The following PPP1R13L variants were observed in gnomAD, a reference collection of about 807,000 sequenced individuals.
PPP1R13L encodes the protein relA-associated inhibitor.
In PPP1R13L, 50 loss-of-function variants were observed where a neutral mutation model predicts 80.9. The observed-to-expected ratio is 0.62, with a 90% CI of 0.49 to 0.78. The LOEUF (loss-of-function observed/expected upper bound fraction) is 0.78. Among genes scored for constraint, PPP1R13L ranks in the 30% least tolerant of loss-of-function variants. The pLI, the probability that PPP1R13L is intolerant of heterozygous loss-of-function variation, is 0.00. For synonymous variants in PPP1R13L, 602 were observed against 534.3 expected, an observed-to-expected ratio of 1.13 and a Z score of -1.75; for missense variants, 1,200 against 1,205.9, an observed-to-expected ratio of 1.00 and a Z score of 0.07.
rs1568551764 is a variant in PPP1R13L, at chr19:45,380,043, C to T, written c.*147G>A. On this transcript the variant is annotated 3_prime_UTR_variant, in exon 13 of 13. Coordinates refer to ENST00000360957, the MANE Select transcript of PPP1R13L (RefSeq NM_006663.4). ...GCTGGGGCCCTCCTTCTTCCCTGGA[C>T]TTCCAGGAGAACAGAGAACCGGTGG... 3 of 882,470 alleles carry T rather than the reference C, an allele frequency of 3.4e-6. No homozygotes were observed. The highest frequency in any genetic ancestry group is 5.3e-6 in the Non-Finnish European group (3 of 562,554). The allele number at this position is 882,470 out of a possible 1,614,324, so 54.7% of individuals were successfully genotyped here. A position where few individuals can be genotyped will look rare whatever the true frequency, so the allele number is the denominator to read the frequency against.
At chr19:45,402,471 A>C (rs1177260103) in intron 1 of PPP1R13L, among the ~76,000 whole-genome samples, 2 of 152,124 alleles carry the variant, frequency 1.3e-5, no homozygotes, top group South Asian at 4.1e-4. Context: ...TGTCGCGGGG[A>C]CAGGCGGTGG....
intron 1 of PPP1R13L, among the ~76,000 whole-genome samples, chr19:45,401,354 CAAAAAA>C (rs34884152): frequency 4.3e-5 from 5 of 116,416 alleles, no homozygotes; most frequent in African/African-American, 1.2e-4. Flanking sequence ...GACTCCGTCC[CAAAAAA>C]AAAAAAAAAA....
At chr19:45,404,951 G>T (rs1973302507) in intron 1 of PPP1R13L, 48 bp downstream of exon 1, 4 of 976,900 alleles carry the variant, frequency 4.1e-6, no homozygotes, top group Non-Finnish European at 4.9e-6. Context: ...AGGGACGCGG[G>T]TGTTGGGCTT....
chr19:45,397,472 C>CTCTCTCTTTCTTTCTTTCTTTCTT (rs1272655512), intron 3 of PPP1R13L, among the ~76,000 whole-genome samples: 1 of 83,272 alleles, frequency 1.2e-5, no homozygotes, highest in East Asian at 3.7e-4. Flanking sequence ...TTCTCTCTCT[C>CTCTCTCTTTCTTTCTTTCTTTCTT]TCTTTCTTTC....
At position 45,397,012 on chromosome 19, in the gene PPP1R13L, C is replaced by CG; in HGVS notation, c.244dup (p.Arg82ProfsTer173). On this transcript the variant is annotated frameshift_variant, in exon 4 of 13. Transcript: ENST00000360957. LOFTEE classifies it high-confidence loss of function. ...GGTGGCCGCCTTCCGGGGGGACCCT[C>CG]GGCTGCCGAAGGGCTCAGGGATCGA... The CG allele has an allele frequency of 2.2e-6, 3 of 1,367,650 alleles. No homozygotes were observed. The highest frequency in any genetic ancestry group is 2.8e-6 in the Non-Finnish European group (3 of 1,062,300). The allele number at this position is 1,367,650 out of a possible 1,614,324, so 84.7% of individuals were successfully genotyped here.
chr19:45,392,354 G>C lies in PPP1R13L; in HGVS notation c.1355-14C>G, dbSNP rs1568557912. ...GTTTGGGGGGTCCTAGCCGGAACAA[G>C]AGCCCATCAGAGGACAGGTCCCCAG... On this transcript the variant is annotated splice_polypyrimidine_tract_variant and intron_variant, in intron 7 of 12. Transcript: ENST00000360957. 1 of 1,612,048 alleles carries C rather than the reference G, an allele frequency of 6.2e-7. No individual in the cohort carries two copies.
At chr19:45,392,593 G>T in intron 7 of PPP1R13L, 1 of 602,264 alleles carries the variant, frequency 1.7e-6, no homozygotes, top group East Asian at 2.9e-5. Context: ...ACTGCTTTGT[G>T]AGGTAGATAC....
chr19:45,404,499 G>A (rs933963781), intron 1 of PPP1R13L, among the ~76,000 whole-genome samples: 1 of 152,114 alleles, frequency 6.6e-6, no homozygotes, highest in African/African-American at 2.4e-5. Flanking sequence ...CACAGCCTCC[G>A]GAGGGACCCC....
chr19:45,400,758 TA>T (rs2123400458), intron 1 of PPP1R13L, among the ~76,000 whole-genome samples: 1 of 68,074 alleles, frequency 1.5e-5, no homozygotes, highest in Non-Finnish European at 2.3e-5. Flanking sequence ...CACACCCAGC[TA>T]ATTTTTTTTT....
intron 8 of PPP1R13L, among the ~76,000 whole-genome samples, chr19:45,390,027 G>A (rs1002820728): frequency 6.6e-6 from 1 of 151,854 alleles, no homozygotes; most frequent in Non-Finnish European, 1.5e-5. Context: ...TCCTGACTTC[G>A]TGATCCGCCC....
Position 45,396,742 on chromosome 19 carries a change from G to A in PPP1R13L, c.515C>T (p.Pro172Leu). 7.3e-7 allele frequency: 1 copy of A among 1,370,550 alleles called. No homozygotes were observed. Among genetic ancestry groups the A allele is most frequent in the East Asian group, 2.9e-5 (1 of 34,264 alleles). 84.9% of individuals were successfully genotyped at this position (1,370,550 alleles called of 1,614,324 possible). ...GCGGCCCAGGAAGTCGAAAGGCGTG[G>A]GGGGACCCTGCTGGCGGAGCGGGCC... is the stretch of plus-strand genomic sequence containing the variant. ...GPGPLRQQGP[P>L]TPFDFLGRAG... Residue 172 changes from proline (P) to leucine (L), a missense_variant, in exon 4 of 13, where the codon CCC (proline) becomes CTC (leucine). Physicochemically the swap from Pro to Leu is moderately conservative, Grantham distance 98 (BLOSUM62 -3). Transcript: ENST00000360957. The surrounding 1 kb of genome is among the most constrained non-coding windows in gnomAD (Gnocchi z 5.3).
chr19:45,390,696 G>C (rs952899199), intron 8 of PPP1R13L, among the ~76,000 whole-genome samples: 2 of 152,170 alleles, frequency 1.3e-5, no homozygotes, highest in African/African-American at 4.8e-5. Context: ...GAGGAGTTTT[G>C]TCTGTGGCTC....
intron 8 of PPP1R13L, among the ~76,000 whole-genome samples, chr19:45,390,938 C>T (rs978547826): frequency 3.4e-4 from 51 of 152,032 alleles, no homozygotes; most frequent in Admixed American, 6.6e-4. Flanking sequence ...TGGCTCATGC[C>T]TCTAACTGCA....
chr19:45,405,922 G>A (rs1389934913), upstream of PPP1R13L, among the ~76,000 whole-genome samples: 7 of 152,162 alleles, frequency 4.6e-5, no homozygotes, highest in African/African-American at 7.2e-5. Context: ...GGGCAGGGAG[G>A]AGTCGCCGAT....
chr19:45,390,886 G>A (rs1312627750), intron 8 of PPP1R13L, among the ~76,000 whole-genome samples: 1 of 152,078 alleles, frequency 6.6e-6, no homozygotes, highest in East Asian at 1.9e-4. Context: ...GCCCGGCCGA[G>A]ACTCACTATT....
intron 1 of PPP1R13L, chr19:45,401,926 C>A (rs1973241382): frequency 6.6e-6 from 1 of 152,156 alleles, no homozygotes; most frequent in Middle Eastern, 3.4e-3. Flanking sequence ...ACAATGAGAC[C>A]CCATTTCTTA....
chr19:45,382,930 G>C (rs1972793017), intron 11 of PPP1R13L, among the ~76,000 whole-genome samples: 2 of 152,256 alleles, frequency 1.3e-5, no homozygotes, highest in South Asian at 4.1e-4. Flanking sequence ...CGAGGAAACT[G>C]GGGGAGGCAT....
At position 45,396,414 on chromosome 19, in the gene PPP1R13L, C is replaced by T. The variant is rs1973094408; in HGVS notation, c.735G>A (p.Arg245=). ...CAGACTCGTTCCAGGCTTTCGGAGG[C>T]CGCCGGCGCAGCGTCAGGTCGTCTG... ...RAQDDLTLRR[R]PPKAWNESDL... The change falls in exon 5 of 13, where the codon CGG becomes CGA. Residue 245 remains arginine, a synonymous_variant. Coordinates refer to ENST00000360957, the MANE Select transcript of PPP1R13L (RefSeq NM_006663.4). This position sits in a 1 kb window ranked among gnomAD's most constrained non-coding sequence, Gnocchi z 5.3. The T allele has an allele frequency of 1.9e-6, 3 of 1,613,978 alleles. No homozygotes were observed. Among genetic ancestry groups the T allele is most frequent in the East Asian group, 2.2e-5 (1 of 44,868 alleles).
Position 45,396,150 on chromosome 19 carries a change from C to A in PPP1R13L, c.903+18G>T. 6.3e-7 allele frequency: 1 copy of A among 1,589,176 alleles called. No homozygotes were observed. The highest frequency in any genetic ancestry group is 1.1e-5 in the South Asian group (1 of 87,706). Reference sequence around the variant, plus strand: ...TCGACCTTCCCCAGCCTCTCCTCCCCAGGCGTCGCCTCCTCACCTTGCCGG... The same window carrying A: ...TCGACCTTCCCCAGCCTCTCCTCCCAAGGCGTCGCCTCCTCACCTTGCCGG... On this transcript the variant is annotated intron_variant, in intron 6 of 12. Transcript: ENST00000360957. The surrounding 1 kb of genome is among the most constrained non-coding windows in gnomAD (Gnocchi z 5.3).
Sources: allele counts gnomAD v4.1 joint callset (sites outside exome capture counted in the v4.1 genomes callset), GRCh38; gene constraint gnomAD v4.1.1; non-coding constraint Gnocchi (gnomAD v3.1); transcripts MANE v1.5; gene names NCBI Gene and HGNC (gene_info 2026-07-23, HGNC 2026-07-21).